DCDC1: variants seen among roughly 807,000 people sequenced by gnomAD.
DCDC1 encodes doublecortin domain containing 1.
A neutral mutation model predicts 178.3 loss-of-function variants in DCDC1; 200 were observed. The observed-to-expected ratio is 1.12, with a 90% CI of 1.00 to 1.26. DCDC1 has a LOEUF of 1.26. Ranked by LOEUF, DCDC1 falls within the 50% of genes most tolerant of loss-of-function variation. DCDC1 has a pLI of 0.00. For missense variants in DCDC1, 1,983 were observed against 1,749.2 expected, an observed-to-expected ratio of 1.13 and a Z score of -2.38; for synonymous variants, 690 against 604.8, an observed-to-expected ratio of 1.14 and a Z score of -2.07.
At chr11:30,979,504 C>G (rs769939234) in intron 20 of DCDC1, among the ~76,000 whole-genome samples, 2 of 152,194 alleles carry the variant, frequency 1.3e-5, no homozygotes, top group Non-Finnish European at 2.9e-5. Context: ...TTTTACTTCT[C>G]ATTACAGTGA....
At chr11:31,087,765 A>G (rs1298409130) in intron 17 of DCDC1, among the ~76,000 whole-genome samples, 1 of 152,134 alleles carries the variant, frequency 6.6e-6, no homozygotes, top group African/African-American at 2.4e-5. Flanking sequence ...TTTGGTTAAC[A>G]TGCTATGTAC....
At chr11:31,228,268 G>GAT (rs1397719586) in intron 9 of DCDC1, among the ~76,000 whole-genome samples, 1 of 151,900 alleles carries the variant, frequency 6.6e-6, no homozygotes, top group Non-Finnish European at 1.5e-5. Context: ...ATTACAGAAA[G>GAT]ATATACAGAA....
At chr11:30,973,957 G>GAAC (rs35159346) in intron 20 of DCDC1, among the ~76,000 whole-genome samples, 2,287 of 152,116 alleles carry the variant, frequency 0.015, 34 homozygotes, top group South Asian at 0.055. Flanking sequence ...TCAGTACATG[G>GAAC]AACATTCTCC....
At chr11:31,010,498 C>T (rs1233901937) in intron 20 of DCDC1, among the ~76,000 whole-genome samples, 1 of 152,208 alleles carries the variant, frequency 6.6e-6, no homozygotes, top group Non-Finnish European at 1.5e-5. Flanking sequence ...TTTGCTAGCA[C>T]AGAGCCTCAA....
chr11:31,061,027 CTGGTTAGG>C (rs1341073928), intron 20 of DCDC1, among the ~76,000 whole-genome samples: 6 of 152,100 alleles, frequency 3.9e-5, no homozygotes, highest in Non-Finnish European at 5.9e-5. Context: ...GAAGGAAGGG[CTGGTTAGG>C]AGTACAGTAG....
intron 5 of DCDC1, among the ~76,000 whole-genome samples, 166 bp downstream of exon 5, chr11:31,306,066 A>T (rs984234054): frequency 3.5e-4 from 53 of 152,182 alleles, no homozygotes; most frequent in Middle Eastern, 3.4e-3. Flanking sequence ...GAATTTTTTT[A>T]AAAAAGGAGA....
chr11:31,307,524 C>A, intron 4 of DCDC1, 115 bp downstream of exon 4: 4 of 1,390,506 alleles, frequency 2.9e-6, no homozygotes, highest in Non-Finnish European at 2.9e-6. Flanking sequence ...AAACAAAACC[C>A]GAGAGATGTG....
intron 8 of DCDC1, among the ~76,000 whole-genome samples, chr11:31,253,145 G>A (rs1944168731): frequency 6.6e-6 from 1 of 152,148 alleles, no homozygotes; most frequent in Admixed American, 6.6e-5. Flanking sequence ...ACAAAAAGCA[G>A]TTAATAGTGA....
chr11:31,166,527 T>A (rs1966802951), intron 9 of DCDC1, among the ~76,000 whole-genome samples: 1 of 152,188 alleles, frequency 6.6e-6, no homozygotes, highest in Non-Finnish European at 1.5e-5. Flanking sequence ...TCAAGTGTAT[T>A]ACAAATGCTT....
chr11:31,280,914 C>G (rs1404826329), intron 7 of DCDC1: 2 of 639,836 alleles, frequency 3.1e-6, no homozygotes, highest in African/African-American at 3.6e-5. Flanking sequence ...TTGTGCTTGC[C>G]TCCCTTTTCC....
intron 15 of DCDC1, among the ~76,000 whole-genome samples, chr11:31,097,735 C>CA (rs1958246206): frequency 6.6e-6 from 1 of 152,168 alleles, no homozygotes; most frequent in South Asian, 2.1e-4. Context: ...ATGCTAATGG[C>CA]AATCCGTTCA....
intron 7 of DCDC1, among the ~76,000 whole-genome samples, chr11:31,267,512 T>C (rs1011625289): frequency 5.3e-5 from 8 of 152,350 alleles, no homozygotes; most frequent in African/African-American, 1.9e-4. Context: ...TTGAGCTTTC[T>C]AACTTATGAG....
chr11:30,869,311 G>A (rs972509382), intron 38 of DCDC1, among the ~76,000 whole-genome samples: 2 of 152,236 alleles, frequency 1.3e-5, no homozygotes, highest in African/African-American at 4.8e-5. Flanking sequence ...CATAATGCAC[G>A]TGAGAAGAAA....
intron 20 of DCDC1, among the ~76,000 whole-genome samples, chr11:31,012,003 T>A (rs1447892817): frequency 6.6e-6 from 1 of 152,156 alleles, no homozygotes; most frequent in African/African-American, 2.4e-5. Context: ...CTTGTGATAC[T>A]GAGTGAGTTC....
chr11:30,960,032 A>G (rs1949000867), intron 20 of DCDC1, among the ~76,000 whole-genome samples: 1 of 152,130 alleles, frequency 6.6e-6, no homozygotes, highest in Non-Finnish European at 1.5e-5. Context: ...GAAGCACCCA[A>G]AAGACACGGG....
At chr11:31,219,385 T>C (rs1973992271) in intron 9 of DCDC1, among the ~76,000 whole-genome samples, 1 of 152,076 alleles carries the variant, frequency 6.6e-6, no homozygotes, top group African/African-American at 2.4e-5. Context: ...CTCTAGAGCA[T>C]TTTCAATAAA....
chr11:31,094,979 T>C (rs1479336045), intron 15 of DCDC1, among the ~76,000 whole-genome samples: 1 of 152,144 alleles, frequency 6.6e-6, no homozygotes, highest in East Asian at 1.9e-4. Context: ...GTGTGTGATG[T>C]TCCCCTCCCT....
chr11:30,933,560 A>G, intron 21 of DCDC1, among the ~76,000 whole-genome samples: 1 of 152,166 alleles, frequency 6.6e-6, no homozygotes, highest in Non-Finnish European at 1.5e-5. Flanking sequence ...AAATGTGCTA[A>G]TATTTTCTTT....
intron 2 of DCDC1, among the ~76,000 whole-genome samples, chr11:31,333,609 A>G (rs1950117115): frequency 6.6e-6 from 1 of 152,118 alleles, no homozygotes; most frequent in Admixed American, 6.5e-5. Flanking sequence ...GCTTGTCTGT[A>G]AAGGATTTTA....
Sources: gnomAD v4.1 joint callset for allele counts (sites outside exome capture counted in the v4.1 genomes callset) on GRCh38, gnomAD v4.1.1 for gene constraint, MANE v1.5 for transcripts, NCBI Gene and HGNC (gene_info 2026-07-23, HGNC 2026-07-21) for gene names.